Variants in ULK4 observed in about 807,000 individuals in gnomAD.
ULK4 encodes the protein inactive serine/threonine-protein kinase ULK4.
Under a neutral mutation model 160.6 loss-of-function variants are expected in ULK4, and 133 were observed. That is an observed-to-expected ratio of 0.83 (90% CI 0.72 to 0.96). The LOEUF (loss-of-function observed/expected upper bound fraction) is 0.96. Among genes scored for constraint, ULK4 ranks in the 40% least tolerant of loss-of-function variants. The pLI, the probability that ULK4 is intolerant of heterozygous loss-of-function variation, is 0.00. For synonymous variants in ULK4, 534 were observed against 539.8 expected (o/e 0.99, Z 0.15); for missense variants, 1,580 against 1,499.5 (o/e 1.05, Z -0.89).
intron 21 of ULK4, among the ~76,000 whole-genome samples, chr3:41,760,506 T>A (rs2038951198): frequency 6.6e-6 from 1 of 152,148 alleles, no homozygotes; most frequent in African/African-American, 2.4e-5. Flanking sequence ...AGATTAAGTA[T>A]CCCAAATCCA....
At chr3:41,395,517 A>G (rs1487354616) in intron 35 of ULK4, among the ~76,000 whole-genome samples, 1 of 152,172 alleles carries the variant, frequency 6.6e-6, no homozygotes, top group Non-Finnish European at 1.5e-5. Context: ...GAAACAAGCC[A>G]GACATAAAAG....
At chr3:41,753,222 A>G (rs1162432741) in intron 22 of ULK4, among the ~76,000 whole-genome samples, 3 of 152,128 alleles carry the variant, frequency 2.0e-5, no homozygotes, top group Non-Finnish European at 4.4e-5. Context: ...CTGTCTCCAA[A>G]AATACACACA....
intron 32 of ULK4, among the ~76,000 whole-genome samples, chr3:41,507,672 C>G (rs1403304424): frequency 2.1e-5 from 3 of 142,196 alleles, no homozygotes; most frequent in Admixed American, 7.0e-5. Flanking sequence ...AAAAGTTACA[C>G]TGTCAATTTT....
chr3:41,496,037 A>G (rs980777914), intron 32 of ULK4, among the ~76,000 whole-genome samples: 6 of 152,158 alleles, frequency 3.9e-5, no homozygotes, highest in Non-Finnish European at 8.8e-5. Context: ...TAACAAAATC[A>G]AAAGTCAAAC....
At chr3:41,825,252 C>G (rs1462793804) in intron 18 of ULK4, among the ~76,000 whole-genome samples, 2 of 152,192 alleles carry the variant, frequency 1.3e-5, no homozygotes, top group African/African-American at 4.8e-5. Flanking sequence ...AAAATCAGAG[C>G]ACCTCTCCTC....
At chr3:41,782,397 C>G (rs1253785960) in intron 21 of ULK4, among the ~76,000 whole-genome samples, 2 of 152,230 alleles carry the variant, frequency 1.3e-5, no homozygotes, top group East Asian at 1.9e-4. Context: ...TTTCTGCGCT[C>G]AAATTTAGAA....
At chr3:41,400,891 G>A (rs2082165718) in intron 34 of ULK4, among the ~76,000 whole-genome samples, 1 of 152,040 alleles carries the variant, frequency 6.6e-6, no homozygotes, top group Admixed American at 6.5e-5. Context: ...GATAGATGGT[G>A]GTATCTCATT....
intron 30 of ULK4, among the ~76,000 whole-genome samples, chr3:41,644,815 T>C (rs1401433041): frequency 6.6e-6 from 1 of 152,098 alleles, no homozygotes; most frequent in Non-Finnish European, 1.5e-5. Context: ...TGTGAATCCA[T>C]CTGGTCCTGG....
At chr3:41,636,809 A>G (rs965583439) in intron 30 of ULK4, among the ~76,000 whole-genome samples, 3 of 136,044 alleles carry the variant, frequency 2.2e-5, no homozygotes, top group African/African-American at 8.5e-5. Flanking sequence ...ATAACATTTT[A>G]ATGGGCATTC....
At chr3:41,948,575 A>T (rs1208647463) in intron 2 of ULK4, among the ~76,000 whole-genome samples, 2 of 152,180 alleles carry the variant, frequency 1.3e-5, no homozygotes, top group Non-Finnish European at 2.9e-5. Flanking sequence ...TAAAAGGATT[A>T]TGCACGATAA....
chr3:41,830,987 G>T (rs966394747), intron 18 of ULK4, among the ~76,000 whole-genome samples: 1 of 150,248 alleles, frequency 6.7e-6, no homozygotes, highest in Non-Finnish European at 1.5e-5. Flanking sequence ...AATGTACATC[G>T]CACAGGGAAT....
rs796219816 is a variant in ULK4 at position 41,325,765 on chromosome 3, A to T, written c.3678+72314T>A. On this transcript the variant is annotated intron_variant, in intron 35 of 36. Transcript: ENST00000301831. ...ACCCTGTCTCTACTAAAAATACAAA[A>T]AATATCAGCCAGGCATGGTGGTGGG... 1.2e-4 allele frequency among the ~76,000 whole-genome samples: 19 copies of T among 152,070 alleles called. No homozygotes were observed. The East Asian group carries it at 3.1e-3, about 25-fold the overall frequency.
chr3:41,939,788 G>A (rs534004946), intron 2 of ULK4, among the ~76,000 whole-genome samples: 3 of 152,108 alleles, frequency 2.0e-5, no homozygotes, highest in Non-Finnish European at 4.4e-5. Flanking sequence ...AAGCATTACC[G>A]CTTGAGCTCG....
intron 16 of ULK4, among the ~76,000 whole-genome samples, chr3:41,894,321 T>C (rs1297097144): frequency 6.6e-6 from 1 of 152,176 alleles, no homozygotes; most frequent in East Asian, 1.9e-4. Context: ...AAATCCTACT[T>C]TTTATTACCA....
chr3:41,306,300 G>A (rs2079931355), intron 35 of ULK4, among the ~76,000 whole-genome samples: 1 of 132,032 alleles, frequency 7.6e-6, no homozygotes, highest in African/African-American at 3.5e-5. Context: ...CTACTGGGAA[G>A]TGAGGAGCCC....
intron 32 of ULK4, among the ~76,000 whole-genome samples, chr3:41,555,579 T>TAA (rs1332164156): frequency 6.6e-6 from 1 of 152,190 alleles, no homozygotes; most frequent in Non-Finnish European, 1.5e-5. Flanking sequence ...GGTGGGAGTG[T>TAA]AAATGAATTC....
At chr3:41,632,922 G>A (rs925097824) in intron 30 of ULK4, among the ~76,000 whole-genome samples, 26 of 152,174 alleles carry the variant, frequency 1.7e-4, no homozygotes, top group African/African-American at 6.0e-4. Context: ...AAAGGAGCAG[G>A]TTTCTGACAG....
chr3:41,731,875 T>C (rs1345613207), intron 22 of ULK4, among the ~76,000 whole-genome samples: 1 of 151,998 alleles, frequency 6.6e-6, no homozygotes, highest in East Asian at 1.9e-4. Flanking sequence ...AAGAACACAC[T>C]TGGGGAGATG....
chr3:41,579,975 G>A (rs1384973422), intron 31 of ULK4, among the ~76,000 whole-genome samples: 1 of 152,094 alleles, frequency 6.6e-6, no homozygotes, highest in Non-Finnish European at 1.5e-5. Flanking sequence ...GCACTTCAAG[G>A]CATTTCTTGA....
Sources: allele counts gnomAD v4.1 joint callset (sites outside exome capture counted in the v4.1 genomes callset), GRCh38; gene constraint gnomAD v4.1.1; transcripts MANE v1.5; gene names NCBI Gene and HGNC (gene_info 2026-07-23, HGNC 2026-07-21).